Variants in USP54 observed in about 807,000 individuals in gnomAD.
USP54 encodes the protein ubiquitin carboxyl-terminal hydrolase 54.
Under a neutral mutation model 170.5 loss-of-function variants are expected in USP54, and 87 were observed. That is an observed-to-expected ratio of 0.51 (90% CI 0.43 to 0.61). The LOEUF (loss-of-function observed/expected upper bound fraction) is 0.61. Among genes scored for constraint, USP54 ranks in the 20% least tolerant of loss-of-function variants. The pLI, the probability that USP54 is intolerant of heterozygous loss-of-function variation, is 0.00. For missense variants in USP54, 1,786 were observed against 2,047.8 expected, an observed-to-expected ratio of 0.87 and a Z score of 2.47; for synonymous variants, 655 against 742.8, an observed-to-expected ratio of 0.88 and a Z score of 1.92.
chr10:73,529,660 G>A lies in USP54; in HGVS notation c.2060+20C>T, dbSNP rs893939477. On this transcript the variant is annotated intron_variant, in intron 15 of 23. Coordinates refer to ENST00000687698, the MANE Select transcript of USP54 (RefSeq NM_001391956.1). ...CATTGCTGCAAGAGACAATGTTGCT[G>A]TTCAAAGGCCAAACAATACCTGTAG... 1.9e-6 allele frequency: 3 copies of A among 1,614,018 alleles called. No individual in the cohort carries two copies. The highest frequency in any genetic ancestry group is 2.5e-6 in the Non-Finnish European group (3 of 1,179,878).
chr10:73,500,801 T>C lies in USP54; in HGVS notation c.4349A>G (p.His1450Arg). The C allele has an allele frequency of 2.5e-6, 4 of 1,599,478 alleles. No individual in the cohort carries two copies. The highest frequency in any genetic ancestry group is 3.4e-6 in the Non-Finnish European group (4 of 1,175,084). ...GAGGGAAGAGGAGCTGGAACAACGG[T>C]GCCCGGTTTCCAAAGGCTTCCTCAC... The part of the protein sequence containing the change: ...SNVRKPLETG[H>R]RCSSSSSLPV... The change falls in exon 23 of 24, where the codon CAC becomes CGC. Residue 1450 changes from histidine to arginine, a missense_variant. His to Arg is a conservative substitution (Grantham distance 29). Transcript: ENST00000687698.
chr10:73,549,545 A>G (rs1364135213), intron 4 of USP54, among the ~76,000 whole-genome samples: 1 of 152,106 alleles, frequency 6.6e-6, no homozygotes, highest in African/African-American at 2.4e-5. Context: ...CTTGGAAACC[A>G]CCTGTGACCC....
intron 3 of USP54, 74 bp downstream of exon 3, chr10:73,575,438 A>G (rs2075988126): frequency 7.0e-7 from 1 of 1,437,812 alleles, no homozygotes; most frequent in African/African-American, 1.4e-5. Context: ...CATTTTATTT[A>G]AAAAGAGTTA....
intron 11 of USP54, 49 bp from the exon 12 acceptor site, chr10:73,534,819 T>C (rs761218149): frequency 3.8e-6 from 6 of 1,561,578 alleles, no homozygotes; most frequent in South Asian, 1.1e-5. Context: ...AACAGAACAG[T>C]AGCAAAGAGA....
rs553782235 is a variant in USP54 at position 73,541,288 on chromosome 10, C to T, written c.825+87G>A. The T allele has an allele frequency of 1.2e-5, 18 of 1,559,780 alleles. No homozygotes were observed. In the African/African-American group the frequency reaches 2.0e-4, roughly 18 times the overall value. ...ACATTATAATACTTGTCATCTAGGA[C>T]ATACCTGTTTGTCTAGTGCTCACTG... On this transcript the variant is annotated intron_variant, in intron 9 of 23. Coordinates refer to ENST00000687698, the MANE Select transcript of USP54 (RefSeq NM_001391956.1).
chr10:73,508,950 C>A (rs2059697562), intron 20 of USP54, among the ~76,000 whole-genome samples: 1 of 150,756 alleles, frequency 6.6e-6, no homozygotes, highest in Non-Finnish European at 1.5e-5. Context: ...CAGGTGTGAG[C>A]CAGTGCACCC....
At position 73,562,185 on chromosome 10, in the gene USP54, T is replaced by C. The variant is rs550592926; in HGVS notation, c.240+9236A>G. The stretch of plus-strand genomic sequence containing the variant: ...ATTTTCAGCTTTCCTCTTTACACTT[T>C]AGTGTGCTTCCTAGAATGGTTGCAG... On this transcript the variant is annotated intron_variant, in intron 4 of 23. Coordinates refer to ENST00000687698, the MANE Select transcript of USP54 (RefSeq NM_001391956.1). Among the ~76,000 whole-genome samples, 6 of 152,300 alleles carry C rather than the reference T, an allele frequency of 3.9e-5. No homozygotes were observed. The East Asian group carries it at 7.7e-4, about 20-fold the overall frequency.
At chr10:73,579,777 AAC>A (rs933737083) in intron 1 of USP54, among the ~76,000 whole-genome samples, 15 of 151,714 alleles carry the variant, frequency 9.9e-5, no homozygotes, top group African/African-American at 3.4e-4. Flanking sequence ...CAACAACAAC[AAC>A]AAAAAAAAAC....
chr10:73,603,739 C>T (rs2079388140), intron 1 of USP54, among the ~76,000 whole-genome samples: 1 of 150,716 alleles, frequency 6.6e-6, no homozygotes, highest in South Asian at 2.1e-4. Context: ...CAGAGTGAGA[C>T]CCTGTCTCAA....
intron 1 of USP54, among the ~76,000 whole-genome samples, chr10:73,608,792 G>C (rs900653656): frequency 1.3e-5 from 2 of 152,178 alleles, no homozygotes; most frequent in African/African-American, 2.4e-5. Context: ...AGCTACACAG[G>C]AGGCTGAGGT....
chr10:73,573,182 T>C (rs1178139666), intron 3 of USP54, among the ~76,000 whole-genome samples: 1 of 151,976 alleles, frequency 6.6e-6, no homozygotes, highest in Non-Finnish European at 1.5e-5. Context: ...CCTAGCTACC[T>C]AGGGAGGCTG....
chr10:73,536,352 C>T lies in USP54; in HGVS notation c.1061G>A (p.Gly354Asp). 1 of 1,613,672 alleles carries T rather than the reference C, an allele frequency of 6.2e-7. No individual in the cohort carries two copies. Among genetic ancestry groups the T allele is most frequent in the Non-Finnish European group, 8.5e-7 (1 of 1,179,792 alleles). Residue 354 changes from glycine (G) to aspartate (D), a missense_variant, in exon 11 of 24, where the codon GGT (glycine) becomes GAT (aspartate). This residue lies in a region of USP54 where 361 missense variants were observed against 455.0 expected (regional missense o/e 0.79). Transcript: ENST00000687698. The part of the protein sequence containing the change: ...PLLLLYADPQ[G>D]TPVSTQDLPP... ...CAGGTCCTGGGTGGAAACTGGGGTA[C>T]CCTGGGGATCTGCATAAAGCAGCAG...
At chr10:73,558,468 T>C (rs1229801667) in intron 4 of USP54, among the ~76,000 whole-genome samples, 1 of 152,140 alleles carries the variant, frequency 6.6e-6, no homozygotes, top group African/African-American at 2.4e-5. Flanking sequence ...ATAGTATACA[T>C]TATAGTATAC....
At chr10:73,573,646 T>C (rs950308941) in intron 3 of USP54, among the ~76,000 whole-genome samples, 1 of 152,098 alleles carries the variant, frequency 6.6e-6, no homozygotes, top group Non-Finnish European at 1.5e-5. Context: ...CAGCCTGTAA[T>C]CCCAGCTACT....
At chr10:73,607,763 G>A (rs746658974) in intron 1 of USP54, among the ~76,000 whole-genome samples, 7 of 151,386 alleles carry the variant, frequency 4.6e-5, no homozygotes, top group Non-Finnish European at 1.0e-4. Context: ...CCCGGGAAGC[G>A]GAGGTTGCAG....
chr10:73,499,423 A>G (rs959406615), intron 23 of USP54, among the ~76,000 whole-genome samples: 1 of 152,126 alleles, frequency 6.6e-6, no homozygotes, highest in South Asian at 2.1e-4. Context: ...GGATGTTGCC[A>G]TACCTCTACC....
intron 5 of USP54, among the ~76,000 whole-genome samples, chr10:73,543,640 A>G (rs2067104271): frequency 6.6e-6 from 1 of 152,236 alleles, no homozygotes; most frequent in Non-Finnish European, 1.5e-5. Context: ...TGCTGGGATT[A>G]CAGGCGTGAG....
chr10:73,534,148 A>G (rs2064681303), intron 12 of USP54, among the ~76,000 whole-genome samples: 1 of 151,898 alleles, frequency 6.6e-6, no homozygotes, highest in East Asian at 1.9e-4. Flanking sequence ...TGAATTGCCC[A>G]AATTCTGTGC....
chr10:73,517,233 T>C lies in USP54; in HGVS notation c.3193A>G (p.Ser1065Gly). 6.2e-7 allele frequency: 1 copy of C among 1,614,208 alleles called. No homozygotes were observed. The highest frequency in any genetic ancestry group is 8.5e-7 in the Non-Finnish European group (1 of 1,180,022). Residue 1065 changes from serine to glycine, a missense_variant, in exon 20 of 24, where the codon AGC becomes GGC. Physicochemically the swap from Ser to Gly is moderately conservative, Grantham distance 56. Around this residue, in one of 3 missense-constraint regions of USP54, gnomAD observed 1,418 missense variants for 1,569.0 expected, o/e 0.90. Transcript: ENST00000687698. ...TGGCAGGTTCTATACAGGGGAAGGCTGGGCTGAGCTGATGAATTTGAAGGA... is the reference window on the plus strand; with the variant it reads ...TGGCAGGTTCTATACAGGGGAAGGCCGGGCTGAGCTGATGAATTTGAAGGA... The part of the protein sequence containing the change: ...CSPSNSSAQP[S>G]LPLYRTCHPI...
Sources: allele counts gnomAD v4.1 joint callset (sites outside exome capture counted in the v4.1 genomes callset), GRCh38; gene constraint gnomAD v4.1.1; regional missense constraint gnomAD v4.1.1; transcripts MANE v1.5; gene names NCBI Gene and HGNC (gene_info 2026-07-23, HGNC 2026-07-21).